Variants in RGL3 observed in about 807,000 individuals in gnomAD.
RGL3 encodes the protein ral guanine nucleotide dissociation stimulator like 3.
RGL3 carries 85 observed loss-of-function variants against 90.6 expected under a neutral mutation model. That is an observed-to-expected ratio of 0.94 (90% confidence interval 0.79 to 1.12). The LOEUF (loss-of-function observed/expected upper bound fraction) is 1.12, where lower values mean the gene tolerates loss of function less well. Among genes scored for constraint, RGL3 ranks in the 50% most tolerant of loss-of-function variants. The pLI, the probability that RGL3 is intolerant of heterozygous loss-of-function variation, is 0.00. For missense variants in RGL3, 1,034 were observed against 939.2 expected (o/e 1.10, Z -1.32); for synonymous variants, 408 against 385.5 (o/e 1.06, Z -0.68).
At chr19:11,402,189 C>T (rs1968690427) in intron 12 of RGL3, 26 bp downstream of exon 12, 2 of 1,611,862 alleles carry the variant, frequency 1.2e-6, no homozygotes, top group Admixed American at 1.7e-5. Flanking sequence ...TCAGGCACCA[C>T]CACACCCACT....
At chr19:11,403,278 G>A (rs8109930) in intron 9 of RGL3, among the ~76,000 whole-genome samples, 25 of 150,042 alleles carry the variant, frequency 1.7e-4, no homozygotes, top group African/African-American at 2.4e-4. Flanking sequence ...CTCGTGATCC[G>A]CCTGCCTGGG....
At chr19:11,401,289 C>T (rs369580034) in intron 13 of RGL3, among the ~76,000 whole-genome samples, 1 of 148,296 alleles carries the variant, frequency 6.7e-6, no homozygotes, top group Admixed American at 6.8e-5. Context: ...ACTGCAGTGG[C>T]GTGATTTTGG....
At chr19:11,403,353 A>G (rs1968714605) in intron 9 of RGL3, among the ~76,000 whole-genome samples, 1 of 142,552 alleles carries the variant, frequency 7.0e-6, no homozygotes, top group Non-Finnish European at 1.5e-5. Context: ...TTTTTTTAAG[A>G]AAGGGCTGGA....
Position 11,400,243 on chromosome 19 carries a change from TG to T in RGL3, c.1538del (p.Pro513HisfsTer73). ...EPPAASCPSS[P>X]RIRRRISLTK... is the part of the protein sequence containing the mutation. Reference sequence around the variant, plus strand: ...TGAGGCTGATCCGCCGTCGGATGCGTGGGGAGCTGGGGCAGGAGGCAGCTGG... The same window carrying T: ...TGAGGCTGATCCGCCGTCGGATGCGTGGGAGCTGGGGCAGGAGGCAGCTGG... On this transcript the variant is annotated frameshift_variant, in exon 14 of 19. Transcript: ENST00000380456. LOFTEE classifies it high-confidence loss of function. 2 of 1,594,244 alleles carry T rather than the reference TG, an allele frequency of 1.3e-6. No individual in the cohort carries two copies. Among genetic ancestry groups the T allele is most frequent in the Non-Finnish European group, 8.5e-7 (1 of 1,169,982 alleles).
At chr19:11,396,425 C>T (rs1021742583) in intron 18 of RGL3, among the ~76,000 whole-genome samples, 3 of 151,344 alleles carry the variant, frequency 2.0e-5, no homozygotes, top group Non-Finnish European at 2.9e-5. Context: ...CCGCTTTGGC[C>T]TCCCAAAGTG....
intron 13 of RGL3, among the ~76,000 whole-genome samples, chr19:11,401,788 C>G (rs1400498581): frequency 6.6e-6 from 1 of 152,038 alleles, no homozygotes; most frequent in African/African-American, 2.4e-5. Flanking sequence ...CTCAAGTGAT[C>G]CACCCACCTT....
intron 5 of RGL3, 79 bp downstream of exon 5, chr19:11,415,858 A>G (rs974024594): frequency 3.2e-6 from 4 of 1,244,618 alleles, no homozygotes; most frequent in Admixed American, 4.7e-5. Context: ...TAGCTCTGAG[A>G]GGGGAGAGAA....
chr19:11,414,849 G>A (rs2144740526), intron 5 of RGL3, among the ~76,000 whole-genome samples: 1 of 152,036 alleles, frequency 6.6e-6, no homozygotes, highest in East Asian at 1.9e-4. Flanking sequence ...ATCAAGTAAG[G>A]AGGCTACGCA....
At position 11,416,100 on chromosome 19, in the gene RGL3, A is replaced by T. The variant is rs1173490690; in HGVS notation, c.474T>A (p.Asp158Glu). 2.5e-6 allele frequency: 4 copies of T among 1,603,574 alleles called. No individual in the cohort carries two copies. The highest frequency in any genetic ancestry group is 3.4e-6 in the Non-Finnish European group (4 of 1,175,686). Residue 158 changes from aspartate to glutamate, a missense_variant, in exon 5 of 19, where the codon GAT (aspartate) becomes GAA (glutamate). By Grantham distance (45) the Asp-to-Glu change is conservative (BLOSUM62 2). Coordinates refer to ENST00000380456, the MANE Select transcript of RGL3 (RefSeq NM_001035223.4). ...LGSWLQDHPQ[D>E]FRDHPAHSDL... ...CCGAATGGGCAGGGTGGTCTCGGAA[A>T]TCCTGAGGGTGGTCCTGCAGCCAGG...
chr19:11,413,996 T>G (rs1365919183), intron 5 of RGL3, among the ~76,000 whole-genome samples: 1 of 149,172 alleles, frequency 6.7e-6, no homozygotes, highest in African/African-American at 2.5e-5. Context: ...TCCGCCCCCG[T>G]CGGCCTCCCA....
intron 13 of RGL3, 114 bp downstream of exon 13, chr19:11,401,897 A>C (rs1968681729): frequency 1.5e-6 from 2 of 1,339,084 alleles, no homozygotes; most frequent in Non-Finnish European, 2.0e-6. Flanking sequence ...GTGGGGGATC[A>C]GGGCTCAAGA....
intron 5 of RGL3, 23 bp downstream of exon 5, chr19:11,415,914 G>T (rs200515985): frequency 9.9e-5 from 158 of 1,596,062 alleles, no homozygotes; most frequent in Non-Finnish European, 1.3e-4. Flanking sequence ...CTCAGAACAC[G>T]ACTGGATCTG....
intron 18 of RGL3, 37 bp from the exon 19 acceptor site, chr19:11,394,557 C>G: frequency 6.6e-7 from 1 of 1,509,986 alleles, no homozygotes; most frequent in Admixed American, 1.7e-5. Context: ...TAGGCCCTCA[C>G]AACCTTGTGT....
chr19:11,397,070 G>C lies in RGL3; in HGVS notation c.2014+174C>G, dbSNP rs1487652803. Among the ~76,000 whole-genome samples, 7 of 152,184 alleles carry C rather than the reference G, an allele frequency of 4.6e-5. No individual in the cohort carries two copies. In the East Asian group the frequency reaches 9.6e-4, roughly 21 times the overall value. On this transcript the variant is annotated intron_variant, in intron 18 of 18. Transcript: ENST00000380456. Reference sequence around the variant, plus strand: ...CAATCTCATGACCCTACATCGTTGGGTTACAGGTATTTTATGTCCTCTTAC... The same window carrying C: ...CAATCTCATGACCCTACATCGTTGGCTTACAGGTATTTTATGTCCTCTTAC...
rs1968601012 is a variant in RGL3 at position 11,397,613 on chromosome 19, G to C, written c.1747-16C>G. On this transcript the variant is annotated splice_polypyrimidine_tract_variant and intron_variant, in intron 16 of 18. Coordinates refer to ENST00000380456, the MANE Select transcript of RGL3 (RefSeq NM_001035223.4). ...TCAGGGGCAGCTGCAGGCAGTAAGG[G>C]GTGGAGGCTACAGCTTGGCCCATCT... The C allele has an allele frequency of 6.5e-7, 1 of 1,528,006 alleles. No homozygotes were observed. The highest frequency in any genetic ancestry group is 8.8e-7 in the Non-Finnish European group (1 of 1,133,736). 94.7% of individuals were successfully genotyped at this position (1,528,006 alleles called of 1,614,324 possible).
chr19:11,397,207 T>C (rs757099284), intron 18 of RGL3, 37 bp downstream of exon 18: 1 of 1,578,686 alleles, frequency 6.3e-7, no homozygotes, highest in Non-Finnish European at 8.7e-7. Flanking sequence ...GCCTCCCCGC[T>C]GCCCCCTATC....
intron 1 of RGL3, 143 bp from the exon 2 acceptor site, chr19:11,418,927 G>C: frequency 1.4e-6 from 1 of 699,296 alleles, no homozygotes; most frequent in East Asian, 2.9e-5. Flanking sequence ...TAGGGCTGGG[G>C]TCCCAGGCTA....
At chr19:11,417,428 AG>A (rs1287334412) in intron 2 of RGL3, among the ~76,000 whole-genome samples, 1 of 148,166 alleles carries the variant, frequency 6.7e-6, no homozygotes, top group Non-Finnish European at 1.5e-5. Context: ...CCAAAGGGCT[AG>A]GATTACAGGC....
At chr19:11,398,908 A>G (rs1968623339) in intron 16 of RGL3, among the ~76,000 whole-genome samples, 1 of 151,786 alleles carries the variant, frequency 6.6e-6, no homozygotes, top group African/African-American at 2.4e-5. Flanking sequence ...TGACCTCGTG[A>G]TCCGCCCACC....
Sources: allele counts gnomAD v4.1 joint callset (sites outside exome capture counted in the v4.1 genomes callset), GRCh38; gene constraint gnomAD v4.1.1; transcripts MANE v1.5; gene names NCBI Gene and HGNC (gene_info 2026-07-23, HGNC 2026-07-21).